Variants in MTHFD2L observed in about 807,000 individuals in gnomAD.
MTHFD2L encodes methylenetetrahydrofolate dehydrogenase (NADP+ dependent) 2 like.
A neutral mutation model predicts 34.9 loss-of-function variants in MTHFD2L; 29 were observed. The ratio of observed to expected loss-of-function variants is 0.83; its 90% confidence interval spans 0.62 to 1.13. The LOEUF is 1.13. Ranked by LOEUF, MTHFD2L falls within the 50% of genes most tolerant of loss-of-function variation. The pLI, the probability that MTHFD2L is intolerant of heterozygous loss-of-function variation, is 0.00. For missense variants in MTHFD2L, 481 were observed against 446.5 expected (o/e 1.08, Z -0.70); for synonymous variants, 167 against 155.7 (o/e 1.07, Z -0.54).
At chr4:74,281,640 A>G (rs1747501020) in intron 7 of MTHFD2L, 90 bp downstream of exon 7, 3 of 1,287,382 alleles carry the variant, frequency 2.3e-6, no homozygotes, top group South Asian at 3.1e-5. Context: ...TTTATGGAGG[A>G]ATTATTAACT....
chr4:74,296,501 T>TTA (rs1749653104), intron 7 of MTHFD2L, among the ~76,000 whole-genome samples: 1 of 152,108 alleles, frequency 6.6e-6, no homozygotes, highest in African/African-American at 2.4e-5. Flanking sequence ...CAATGGCACA[T>TTA]TAGCAACTCT....
At chr4:74,118,615 G>A (rs1319670382), upstream of MTHFD2L, among the ~76,000 whole-genome samples, 1 of 152,144 alleles carries the variant, frequency 6.6e-6, no homozygotes, top group South Asian at 2.1e-4. Context: ...AAGATGACTG[G>A]TGTCATTATA....
At chr4:74,297,269 G>A (rs901410559) in intron 7 of MTHFD2L, among the ~76,000 whole-genome samples, 7 of 151,916 alleles carry the variant, frequency 4.6e-5, no homozygotes, top group African/African-American at 7.3e-5. Context: ...AGTTTAATGC[G>A]GACAATAAGA....
intron 7 of MTHFD2L, among the ~76,000 whole-genome samples, chr4:74,285,401 G>A (rs1748040779): frequency 1.3e-5 from 2 of 151,940 alleles, no homozygotes; most frequent in Non-Finnish European, 2.9e-5. Context: ...ACCAAAAGAA[G>A]GCAAGCACCA....
At chr4:74,265,641 C>A (rs1745198112) in intron 6 of MTHFD2L, among the ~76,000 whole-genome samples, 1 of 152,166 alleles carries the variant, frequency 6.6e-6, no homozygotes, top group Non-Finnish European at 1.5e-5. Context: ...AACCTGAAAT[C>A]TGAACTTGAG....
intron 6 of MTHFD2L, among the ~76,000 whole-genome samples, chr4:74,227,920 T>C (rs1029227704): frequency 6.6e-6 from 1 of 152,198 alleles, no homozygotes; most frequent in Non-Finnish European, 1.5e-5. Context: ...GTTTTGTATT[T>C]GAACACATAG....
At chr4:74,252,979 C>T (rs1560532891) in intron 6 of MTHFD2L, among the ~76,000 whole-genome samples, 1 of 151,820 alleles carries the variant, frequency 6.6e-6, no homozygotes, top group Non-Finnish European at 1.5e-5. Flanking sequence ...AAGGAGAATA[C>T]CTACAAATAA....
chr4:74,260,991 G>A (rs1259678332), intron 6 of MTHFD2L, among the ~76,000 whole-genome samples: 1 of 145,132 alleles, frequency 6.9e-6, no homozygotes, highest in African/African-American at 2.6e-5. Flanking sequence ...CTAATAAAGG[G>A]TATCAACTGA....
chr4:74,119,922 A>G (rs1426718777), upstream of MTHFD2L, among the ~76,000 whole-genome samples: 1 of 152,204 alleles, frequency 6.6e-6, no homozygotes, highest in Non-Finnish European at 1.5e-5. Flanking sequence ...AACCTTCAGA[A>G]CTGCTTCACT....
At chr4:74,230,698 G>C (rs1392178414) in intron 6 of MTHFD2L, among the ~76,000 whole-genome samples, 1 of 152,132 alleles carries the variant, frequency 6.6e-6, no homozygotes, top group Non-Finnish European at 1.5e-5. Flanking sequence ...ATGGTTGAAA[G>C]GGGAGGAGCA....
chr4:74,255,864 G>T (rs1198629667), intron 6 of MTHFD2L, among the ~76,000 whole-genome samples: 1 of 152,168 alleles, frequency 6.6e-6, no homozygotes, highest in Non-Finnish European at 1.5e-5. Context: ...CCATTCCATG[G>T]TGTATATGTA....
chr4:74,177,447 A>G (rs1021412174), intron 3 of MTHFD2L, among the ~76,000 whole-genome samples: 1 of 151,970 alleles, frequency 6.6e-6, no homozygotes, highest in East Asian at 1.9e-4. Context: ...TCTACACAAA[A>G]TGACCTGAAA....
intron 6 of MTHFD2L, among the ~76,000 whole-genome samples, chr4:74,242,418 T>C (rs1023683074): frequency 6.6e-6 from 1 of 152,182 alleles, no homozygotes; most frequent in African/African-American, 2.4e-5. Flanking sequence ...TATCAGTGTT[T>C]ACAATGTTTA....
chr4:74,239,779 A>C (rs1049320827), intron 6 of MTHFD2L, among the ~76,000 whole-genome samples: 1 of 152,178 alleles, frequency 6.6e-6, no homozygotes, highest in African/African-American at 2.4e-5. Context: ...CAGATATTAC[A>C]TTGTAAAAAG....
At chr4:74,284,628 T>C (rs572009692) in intron 7 of MTHFD2L, among the ~76,000 whole-genome samples, 2 of 152,198 alleles carry the variant, frequency 1.3e-5, no homozygotes, top group East Asian at 3.9e-4. Flanking sequence ...TCCCATTCTG[T>C]ACATTGCCTG....
upstream of MTHFD2L, among the ~76,000 whole-genome samples, chr4:74,124,500 GT>G (rs1345556273): frequency 6.6e-6 from 1 of 151,054 alleles, no homozygotes; most frequent in Non-Finnish European, 1.5e-5. Flanking sequence ...TTATATATTA[GT>G]TTTTATATTG....
upstream of MTHFD2L, among the ~76,000 whole-genome samples, chr4:74,119,295 A>T (rs1298944000): frequency 1.3e-5 from 2 of 152,024 alleles, no homozygotes; most frequent in African/African-American, 2.4e-5. Flanking sequence ...CCATTATTTT[A>T]TTTGTCACTT....
intron 6 of MTHFD2L, among the ~76,000 whole-genome samples, chr4:74,255,283 C>T (rs961139538): frequency 8.6e-5 from 13 of 150,838 alleles, no homozygotes; most frequent in Non-Finnish European, 1.5e-4. Flanking sequence ...AAGCTGTTAT[C>T]AGCTTGAATA....
rs1416115620 is a variant in MTHFD2L, at chr4:74,302,338, A to G, written c.*529A>G. The stretch of plus-strand genomic sequence containing the variant: ...TGAAAATAAAATCTTGATCTCAACT[A>G]TCCCCCAAATGCATCCTATAAGTCC... On this transcript the variant is annotated 3_prime_UTR_variant, in exon 8 of 8. Transcript: ENST00000325278. 1 of 152,126 alleles carries G rather than the reference A, an allele frequency of 6.6e-6. No homozygotes were observed. The allele number at this position is 152,126 out of a possible 1,614,324, so 9.4% of individuals were successfully genotyped here.
Sources: gnomAD v4.1 joint callset for allele counts (sites outside exome capture counted in the v4.1 genomes callset) on GRCh38, gnomAD v4.1.1 for gene constraint, MANE v1.5 for transcripts, NCBI Gene and HGNC (gene_info 2026-07-23, HGNC 2026-07-21) for gene names.